Variants in MBTPS2 observed in about 807,000 individuals in gnomAD.
MBTPS2 encodes the protein membrane bound transcription factor peptidase, site 2, also known as membrane-bound transcription factor site-2 protease.
In MBTPS2, 2 loss-of-function variants were observed where a neutral mutation model predicts 35.4. The ratio of observed to expected loss-of-function variants is 0.06; its 90% CI spans 0.02 to 0.18. The LOEUF (loss-of-function observed/expected upper bound fraction) is 0.18, where lower values mean the gene tolerates loss of function less well. MBTPS2 is among the 10% of genes least tolerant of loss of function. MBTPS2 has a pLI of 1.00. For missense variants in MBTPS2, 244 were observed against 386.5 expected (o/e 0.63, Z 3.09); for synonymous variants, 125 against 140.4 (o/e 0.89, Z 0.77).
Position 21,884,129 on chromosome X carries a change from A to C in MBTPS2, c.*1474A>C, listed in dbSNP as rs1384632046. 2 of 734,460 alleles carry C rather than the reference A, an allele frequency of 2.7e-6. No individual in the cohort carries two copies. The highest frequency in any genetic ancestry group is 4.7e-5 in the African/African-American group (2 of 43,004). 60.5% of individuals were successfully genotyped at this position (734,460 alleles called of 1,213,427 possible). A position where few individuals can be genotyped will look rare whatever the true frequency, so the allele number is the denominator to read the frequency against. On this transcript the variant is annotated 3_prime_UTR_variant, in exon 11 of 11. Coordinates refer to ENST00000379484, the MANE Select transcript of MBTPS2 (RefSeq NM_015884.4). ...TTTAAGAAACTTTTTAGATTGTATT[A>C]CAAATTTGCCTTAACAGTAATTAGA...
intron 5 of MBTPS2, among the ~76,000 whole-genome samples, chrX:21,859,629 A>G (rs2092928645): frequency 9.0e-6 from 1 of 110,605 alleles, no homozygotes; most frequent in African/African-American, 3.3e-5. Flanking sequence ...AAAATAAAAC[A>G]CCTCTTCTAA....
intron 5 of MBTPS2, among the ~76,000 whole-genome samples, chrX:21,862,855 C>A (rs186538306): frequency 0.022 from 1,962 of 88,057 alleles, 65 homozygotes; most frequent in African/African-American, 0.074. Flanking sequence ...TATATATATA[C>A]ACATATATAT....
chrX:21,874,019 A>ATTTT (rs2092950318), intron 7 of MBTPS2, among the ~76,000 whole-genome samples: 1 of 78,373 alleles, frequency 1.3e-5, no homozygotes, highest in Non-Finnish European at 2.4e-5. Context: ...ATATATATAT[A>ATTTT]CTTTTTTTTT....
At chrX:21,854,041 G>T (rs1423913225) in intron 5 of MBTPS2, among the ~76,000 whole-genome samples, 1 of 111,058 alleles carries the variant, frequency 9.0e-6, no homozygotes, top group Non-Finnish European at 1.9e-5. Context: ...GGCTAAGCAA[G>T]TGTGGAGTTA....
At chrX:21,858,465 A>G (rs1393158466) in intron 5 of MBTPS2, 1 of 123,414 alleles carries the variant, frequency 8.1e-6, no homozygotes, top group Non-Finnish European at 1.9e-5. Flanking sequence ...TGCCTATATC[A>G]GTACAGAAGT....
intron 3 of MBTPS2, among the ~76,000 whole-genome samples, chrX:21,845,784 T>C (rs940994617): frequency 5.3e-5 from 6 of 112,566 alleles, no homozygotes; most frequent in African/African-American, 1.9e-4. Flanking sequence ...CTTCAGAGCC[T>C]AACCAATAAT....
At chrX:21,875,621 C>T (rs1333333821) in intron 7 of MBTPS2, among the ~76,000 whole-genome samples, 5 of 112,425 alleles carry the variant, frequency 4.4e-5, no homozygotes, top group African/African-American at 1.6e-4. Flanking sequence ...AAAGGCAAAT[C>T]GGGTATAACA....
In MBTPS2 at chrX:21,883,035, A is replaced by C. The variant is rs951495987; in HGVS notation, c.*380A>C. 18 of 825,248 alleles carry C rather than the reference A, an allele frequency of 2.2e-5. No individual in the cohort carries two copies. Among genetic ancestry groups the C allele is most frequent in the Non-Finnish European group, 2.6e-5 (18 of 683,297 alleles). 68.0% of individuals were successfully genotyped at this position (825,248 alleles called of 1,213,427 possible). On this transcript the variant is annotated 3_prime_UTR_variant, in exon 11 of 11. Transcript: ENST00000379484. ...AAAAACTTCTTACAAAAGCATCATT[A>C]ATCAAAATTTGAAGGAGACCAGACT... is the stretch of plus-strand genomic sequence containing the variant.
chrX:21,880,683 C>G (rs965159139), intron 9 of MBTPS2, among the ~76,000 whole-genome samples: 1 of 111,762 alleles, frequency 8.9e-6, no homozygotes, highest in East Asian at 2.8e-4. Context: ...TAAGTACACA[C>G]TGGGACGTAT....
At chrX:21,840,057 G>C (rs953263228) in intron 1 of MBTPS2, among the ~76,000 whole-genome samples, 2 of 112,132 alleles carry the variant, frequency 1.8e-5, no homozygotes, top group African/African-American at 3.2e-5. Flanking sequence ...TCCTGCCCGG[G>C]AGGCGCCAGT....
At chrX:21,846,566 C>A (rs1314516088) in intron 3 of MBTPS2, among the ~76,000 whole-genome samples, 2 of 111,691 alleles carry the variant, frequency 1.8e-5, no homozygotes, top group Non-Finnish European at 3.8e-5. Flanking sequence ...GACGGGGTTT[C>A]TCCATGTTGA....
At chrX:21,877,049 A>T (rs753026623) in intron 7 of MBTPS2, among the ~76,000 whole-genome samples, 4 of 112,229 alleles carry the variant, frequency 3.6e-5, no homozygotes, top group Non-Finnish European at 5.6e-5. Flanking sequence ...TGCAGCAAAC[A>T]TTCCTAAATA....
intron 7 of MBTPS2, among the ~76,000 whole-genome samples, chrX:21,876,900 T>C (rs1378606508): frequency 8.0e-5 from 9 of 112,166 alleles, no homozygotes; most frequent in Non-Finnish European, 1.7e-4. Flanking sequence ...CTTTTTGTAG[T>C]CCTGAGAAAC....
rs755735157 is a variant in MBTPS2, at chrX:21,884,323, C to A, written c.*1668C>A. On this transcript the variant is annotated 3_prime_UTR_variant, in exon 11 of 11. Transcript: ENST00000379484. ...ATTAGCATAGTAATGCTCAGTCAGA[C>A]CTGTTCAAGTAGTAGAGCTTGGAGA... The A allele has an allele frequency of 1.5e-4, 108 of 714,272 alleles. No individual in the cohort carries two copies. The highest frequency in any genetic ancestry group is 8.9e-5 in the Admixed American group (1 of 11,270). 58.9% of individuals were successfully genotyped at this position (714,272 alleles called of 1,213,427 possible).
intron 3 of MBTPS2, 120 bp from the exon 4 acceptor site, chrX:21,851,389 A>G: frequency 1.8e-6 from 1 of 546,646 alleles, no homozygotes; most frequent in Non-Finnish European, 3.4e-6. Context: ...TATTACTTTT[A>G]GTTTGCAGAA....
intron 7 of MBTPS2, among the ~76,000 whole-genome samples, chrX:21,876,587 A>G (rs1430547799): frequency 9.2e-6 from 1 of 109,068 alleles, no homozygotes; most frequent in Non-Finnish European, 1.9e-5. Flanking sequence ...AAGAAAACAG[A>G]ACAAAGAACA....
intron 5 of MBTPS2, among the ~76,000 whole-genome samples, chrX:21,862,933 C>CACATATATATAT (rs2092934103): frequency 3.6e-5 from 1 of 27,675 alleles, no homozygotes; most frequent in Non-Finnish European, 8.7e-5. Flanking sequence ...TATATATAAA[C>CACATATATATAT]ATATATATAT....
At position 21,862,917 on chromosome X, in the gene MBTPS2, A is replaced by AC. The variant is rs1569325717; in HGVS notation, c.671-5550_671-5549insC. On this transcript the variant is annotated intron_variant, in intron 5 of 10. Coordinates refer to ENST00000379484, the MANE Select transcript of MBTPS2 (RefSeq NM_015884.4). ...ATATATAAACATATATAAATATATA[A>AC]ACATATATATATAAACATATATATA... Among the ~76,000 whole-genome samples, 181 of 49,193 alleles carry AC rather than the reference A, an allele frequency of 3.7e-3. 3 individuals are homozygous for AC. The highest frequency in any genetic ancestry group is 0.011 in the African/African-American group (176 of 16,639). The allele number at this position is 49,193 out of a possible 115,157, so 42.7% of individuals were successfully genotyped here.
Position 21,884,898 on chromosome X carries a change from G to C in MBTPS2, c.*2243G>C. ...AAAAAATAACTTGGAGGGTCTTTGT[G>C]TCCCTGGCATATTATCATCTTCATG... On this transcript the variant is annotated 3_prime_UTR_variant, in exon 11 of 11. Transcript: ENST00000379484. 1.3e-6 allele frequency: 1 copy of C among 750,982 alleles called. No homozygotes were observed. The highest frequency in any genetic ancestry group is 1.6e-6 in the Non-Finnish European group (1 of 636,258). The allele number at this position is 750,982 out of a possible 1,213,427, so 61.9% of individuals were successfully genotyped here. A position where few individuals can be genotyped will look rare whatever the true frequency, so the allele number is the denominator to read the frequency against.
Sources: allele counts gnomAD v4.1 joint callset (sites outside exome capture counted in the v4.1 genomes callset), GRCh38; gene constraint gnomAD v4.1.1; transcripts MANE v1.5; gene names NCBI Gene and HGNC (gene_info 2026-07-23, HGNC 2026-07-21).